Variants in NPR3 observed in about 807,000 individuals in gnomAD.
The protein encoded by NPR3 is atrial natriuretic peptide receptor 3.
In NPR3, 34 loss-of-function variants were observed where a neutral mutation model predicts 54.5. That is an observed-to-expected ratio of 0.62 (90% confidence interval 0.47 to 0.83). The LOEUF is 0.83. Among genes scored for constraint, NPR3 ranks in the 40% least tolerant of loss-of-function variants. The probability of loss-of-function intolerance (pLI) is 0.00; values close to 1 mark genes in which losing one functional copy is unlikely to be tolerated. For synonymous variants in NPR3, 289 were observed against 297.1 expected (o/e 0.97, Z 0.28); for missense variants, 674 against 720.8 (o/e 0.94, Z 0.74).
At chr5:32,703,454 G>A (rs1051649171) in intron 1 of NPR3, among the ~76,000 whole-genome samples, 1 of 152,002 alleles carries the variant, frequency 6.6e-6, no homozygotes, top group African/African-American at 2.4e-5. Flanking sequence ...CTGGGAATGT[G>A]CTGGGCCACA....
intron 3 of NPR3, among the ~76,000 whole-genome samples, chr5:32,753,129 T>C (rs1273474085): frequency 6.6e-6 from 1 of 152,226 alleles, no homozygotes; most frequent in Non-Finnish European, 1.5e-5. Flanking sequence ...GAAAAAGGTC[T>C]TTTCCAAGCA....
chr5:32,755,022 C>A (rs1389383330), intron 3 of NPR3, among the ~76,000 whole-genome samples: 1 of 151,914 alleles, frequency 6.6e-6, no homozygotes, highest in Admixed American at 6.6e-5. Context: ...CACCACGCCC[C>A]GCTAATTTTT....
intron 4 of NPR3, among the ~76,000 whole-genome samples, chr5:32,776,760 GA>G (rs1481698000): frequency 6.6e-6 from 1 of 152,150 alleles, no homozygotes; most frequent in East Asian, 1.9e-4. Context: ...GCAATCATTT[GA>G]GCTTACATGC....
chr5:32,774,977 T>C (rs1741967408), intron 4 of NPR3, 134 bp downstream of exon 4: 3 of 706,422 alleles, frequency 4.2e-6, no homozygotes, highest in Non-Finnish European at 7.5e-6. Context: ...GCCCATCTCA[T>C]AGGCTTGTTG....
At chr5:32,728,829 GTGTGTGTGTATATATATA>G (rs1347732411) in intron 2 of NPR3, among the ~76,000 whole-genome samples, 50 of 76,196 alleles carry the variant, frequency 6.6e-4, no homozygotes, top group South Asian at 4.2e-3. Flanking sequence ...GTGTGTGTGT[GTGTGTGTGTATATATATA>G]TATATATATA....
intron 2 of NPR3, among the ~76,000 whole-genome samples, chr5:32,736,763 C>T (rs1030294861): frequency 1.3e-5 from 2 of 152,026 alleles, no homozygotes; most frequent in African/African-American, 2.4e-5. Context: ...CACACTGTGG[C>T]CTCCTCAGTG....
intron 2 of NPR3, among the ~76,000 whole-genome samples, chr5:32,733,334 G>A (rs1470661653): frequency 6.6e-6 from 1 of 152,172 alleles, no homozygotes; most frequent in African/African-American, 2.4e-5. Flanking sequence ...TAATTCAAGT[G>A]ATTGAAAATA....
At chr5:32,724,875 G>C in intron 2 of NPR3, 55 bp downstream of exon 2, 1 of 1,601,440 alleles carries the variant, frequency 6.2e-7, no homozygotes, top group South Asian at 1.1e-5. Flanking sequence ...GAGGTTGTCA[G>C]ATGCCCATGA....
chr5:32,786,179 A>G (rs1299422294), intron 7 of NPR3, 55 bp from the exon 8 acceptor site: 7 of 725,342 alleles, frequency 9.7e-6, no homozygotes, highest in Non-Finnish European at 1.4e-5. Flanking sequence ...TGTAAGAGAA[A>G]CCATGGTATT....
intron 1 of NPR3, among the ~76,000 whole-genome samples, chr5:32,720,109 A>G (rs969593822): frequency 6.6e-6 from 1 of 152,188 alleles, no homozygotes; most frequent in South Asian, 2.1e-4. Context: ...TAAATCACAT[A>G]TAGTGCCATT....
rs571483720 is a variant in NPR3, at chr5:32,748,200, G to T, written c.1059+9170G>T. Among the ~76,000 whole-genome samples, 9 of 152,084 alleles carry T rather than the reference G, an allele frequency of 5.9e-5. 1 individual carries two copies. Among genetic ancestry groups the T allele is most frequent in the Admixed American group, 5.9e-4 (9 of 15,290 alleles). ...TTACTCTGCTGTTTTGTAGCTTTTG[G>T]TGTTACCATTCTGATTATTTATATT... On this transcript the variant is annotated intron_variant, in intron 3 of 7. Coordinates refer to ENST00000265074, the MANE Select transcript of NPR3 (RefSeq NM_001204375.2).
Position 32,780,549 on chromosome 5 carries a change from A to G in NPR3, c.1196-173A>G, listed in dbSNP as rs534249778. On this transcript the variant is annotated intron_variant, in intron 4 of 7. Coordinates refer to ENST00000265074, the MANE Select transcript of NPR3 (RefSeq NM_001204375.2). ...GTTAAGAATTTAGGAATGCAGACGC[A>G]GATGAAATTACAATGTCTTTCCAAA... Among the ~76,000 whole-genome samples the G allele has an allele frequency of 2.2e-4, 34 of 152,362 alleles. 1 individual carries two copies. Among genetic ancestry groups the G allele is most frequent in the African/African-American group, 7.5e-4 (31 of 41,588 alleles).
At chr5:32,697,093 G>C (rs556229547) in intron 1 of NPR3, among the ~76,000 whole-genome samples, 55 of 152,258 alleles carry the variant, frequency 3.6e-4, no homozygotes, top group African/African-American at 1.2e-3. Context: ...TCCCTATTCA[G>C]CATGATACTA....
chr5:32,759,255 C>T (rs1177493855), intron 3 of NPR3, among the ~76,000 whole-genome samples: 1 of 152,166 alleles, frequency 6.6e-6, no homozygotes, highest in Non-Finnish European at 1.5e-5. Flanking sequence ...CTTTGTAGAT[C>T]TCTAAGGACT....
At chr5:32,734,274 G>T (rs958579179) in intron 2 of NPR3, among the ~76,000 whole-genome samples, 3 of 152,164 alleles carry the variant, frequency 2.0e-5, no homozygotes, top group African/African-American at 7.2e-5. Context: ...GTACTGTGGG[G>T]CCAGGCCAGG....
rs1351588055 is a variant in NPR3 at position 32,757,508 on chromosome 5, G to A, written c.1060-17200G>A. 5.9e-5 allele frequency among the ~76,000 whole-genome samples: 9 copies of A among 152,194 alleles called. 1 individual carries two copies. Among genetic ancestry groups the A allele is most frequent in the Non-Finnish European group, 8.8e-5 (6 of 68,032 alleles). ...ACTTAAGGAGATTTTGGGCTGAGAT[G>A]ATGGGTTTTTCTAAATATACAGTCA... On this transcript the variant is annotated intron_variant, in intron 3 of 7. Coordinates refer to ENST00000265074, the MANE Select transcript of NPR3 (RefSeq NM_001204375.2).
intron 1 of NPR3, among the ~76,000 whole-genome samples, chr5:32,718,638 G>T (rs1738681200): frequency 6.6e-6 from 1 of 152,098 alleles, no homozygotes; most frequent in African/African-American, 2.4e-5. Flanking sequence ...CTTATGATTT[G>T]GCTCTCTGTT....
chr5:32,736,493 C>T (rs1466181330), intron 2 of NPR3, among the ~76,000 whole-genome samples: 2 of 152,186 alleles, frequency 1.3e-5, no homozygotes, highest in African/African-American at 4.8e-5. Context: ...CTCACACCCT[C>T]TTTGCCTAAG....
intron 3 of NPR3, among the ~76,000 whole-genome samples, chr5:32,774,460 C>T (rs1406361437): frequency 2.0e-5 from 3 of 152,130 alleles, no homozygotes; most frequent in Non-Finnish European, 4.4e-5. Flanking sequence ...AATACTTGAC[C>T]TGGTCAACAG....
Sources: allele counts gnomAD v4.1 joint callset (sites outside exome capture counted in the v4.1 genomes callset), GRCh38; gene constraint gnomAD v4.1.1; transcripts MANE v1.5; gene names NCBI Gene and HGNC (gene_info 2026-07-23, HGNC 2026-07-21).